TDRD3: variants seen among roughly 807,000 people sequenced by gnomAD.
The protein encoded by TDRD3 is tudor domain-containing protein 3.
A neutral mutation model predicts 86.7 loss-of-function variants in TDRD3; 45 were observed. That is an observed-to-expected ratio of 0.52 (90% confidence interval 0.41 to 0.67). The LOEUF (loss-of-function observed/expected upper bound fraction) is 0.67. Among genes scored for constraint, TDRD3 ranks in the 30% least tolerant of loss-of-function variants. The pLI, the probability that TDRD3 is intolerant of heterozygous loss-of-function variation, is 0.00. For missense variants in TDRD3, 814 were observed against 889.0 expected (o/e 0.92, Z 1.07); for synonymous variants, 298 against 301.7 (o/e 0.99, Z 0.13).
At chr13:60,483,663 TCCTA>T in intron 5 of TDRD3, 108 bp from the exon 6 acceptor site, 1 of 920,008 alleles carries the variant, frequency 1.1e-6, no homozygotes, top group Non-Finnish European at 1.6e-6. Flanking sequence ...CCTTTTTTTT[TCCTA>T]TTTCTTATAA....
chr13:60,505,523 CAT>C (rs897055841), intron 8 of TDRD3, among the ~76,000 whole-genome samples: 22 of 152,170 alleles, frequency 1.4e-4, no homozygotes, highest in African/African-American at 5.1e-4. Flanking sequence ...CTTCAGCAGA[CAT>C]AAACATTCCT....
intron 12 of TDRD3, among the ~76,000 whole-genome samples, chr13:60,551,285 A>G (rs1958047693): frequency 6.6e-6 from 1 of 152,196 alleles, no homozygotes; most frequent in Non-Finnish European, 1.5e-5. Flanking sequence ...AATACCTATA[A>G]AAACATGTAA....
At chr13:60,516,263 G>C (rs796509168) in intron 10 of TDRD3, among the ~76,000 whole-genome samples, 9 of 152,286 alleles carry the variant, frequency 5.9e-5, no homozygotes, top group African/African-American at 2.2e-4. Flanking sequence ...GGATGGACTT[G>C]TTATGTCATA....
At chr13:60,402,908 T>A (rs1219711672) in intron 1 of TDRD3, among the ~76,000 whole-genome samples, 3 of 152,174 alleles carry the variant, frequency 2.0e-5, no homozygotes, top group Non-Finnish European at 4.4e-5. Context: ...CATCCTTCTA[T>A]TTTGAAATAT....
chr13:60,540,722 G>A (rs994989077), intron 12 of TDRD3, among the ~76,000 whole-genome samples: 1 of 152,046 alleles, frequency 6.6e-6, no homozygotes, highest in Non-Finnish European at 1.5e-5. Context: ...ACAAAGTATT[G>A]TTTGAATTCT....
Position 60,505,630 on chromosome 13 carries a change from T to G in TDRD3, c.859-4133T>G, listed in dbSNP as rs146905366. 4.5e-4 allele frequency among the ~76,000 whole-genome samples: 69 copies of G among 152,046 alleles called. No individual in the cohort carries two copies. In the East Asian group the frequency reaches 0.01, roughly 23 times the overall value. On this transcript the variant is annotated intron_variant, in intron 8 of 13. Coordinates refer to ENST00000377881, the MANE Select transcript of TDRD3 (RefSeq NM_001146070.2). ...ACCCAATGCAAGGAAGCTAAGAAAC[T>G]TGAAAAAAGGTTAGAGGAATTGCTA...
chr13:60,568,445 A>G (rs1595134057), intron 13 of TDRD3, among the ~76,000 whole-genome samples: 1 of 152,212 alleles, frequency 6.6e-6, no homozygotes, highest in South Asian at 2.1e-4. Flanking sequence ...TTTAGTGCCC[A>G]TGTCTGCTTT....
At position 60,547,742 on chromosome 13, in the gene TDRD3, T is replaced by C. The variant is rs917184696; in HGVS notation, c.2118+12509T>C. On this transcript the variant is annotated intron_variant, in intron 12 of 13. Coordinates refer to ENST00000377881, the MANE Select transcript of TDRD3 (RefSeq NM_001146070.2). ...CTCTTCATATTGAAAATATTATTTC[T>C]ATCCTCTGTCTGATAAACAGTTAAG... Among the ~76,000 whole-genome samples, 14 of 152,348 alleles carry C rather than the reference T, an allele frequency of 9.2e-5. No homozygotes were observed. In the East Asian group the frequency reaches 1.9e-3, roughly 21 times the overall value.
intron 1 of TDRD3, among the ~76,000 whole-genome samples, chr13:60,409,022 G>A (rs565446461): frequency 6.6e-6 from 1 of 152,334 alleles, no homozygotes; most frequent in East Asian, 1.9e-4. Context: ...GGGACTTGGT[G>A]CCCTGTGTCC....
chr13:60,568,724 A>C (rs1004856740), intron 13 of TDRD3, among the ~76,000 whole-genome samples: 1 of 152,232 alleles, frequency 6.6e-6, no homozygotes, highest in African/African-American at 2.4e-5. Context: ...ACATAGTTGA[A>C]TAAAATAGAA....
chr13:60,477,903 A>G (rs1188331141), intron 5 of TDRD3, among the ~76,000 whole-genome samples: 1 of 152,122 alleles, frequency 6.6e-6, no homozygotes, highest in Non-Finnish European at 1.5e-5. Context: ...AGTAGGGAGA[A>G]TTTCCTCCTT....
At chr13:60,521,617 C>T (rs568520694) in intron 10 of TDRD3, among the ~76,000 whole-genome samples, 13 of 152,120 alleles carry the variant, frequency 8.5e-5, no homozygotes, top group East Asian at 3.9e-4. Context: ...GTGTATGGGC[C>T]GGGTGCGGTG....
chr13:60,473,215 T>G (rs900270256), intron 5 of TDRD3, among the ~76,000 whole-genome samples: 5 of 152,194 alleles, frequency 3.3e-5, no homozygotes, highest in Non-Finnish European at 7.3e-5. Flanking sequence ...ACTTCATCTT[T>G]CATCAGGATC....
intron 6 of TDRD3, 51 bp downstream of exon 6, chr13:60,483,897 T>A: frequency 1.3e-6 from 2 of 1,549,760 alleles, no homozygotes; most frequent in Non-Finnish European, 1.8e-6. Context: ...AAAGTGTTTT[T>A]CATTAGCATT....
At chr13:60,469,318 A>T (rs1454436760) in intron 5 of TDRD3, among the ~76,000 whole-genome samples, 3 of 151,956 alleles carry the variant, frequency 2.0e-5, no homozygotes, top group Non-Finnish European at 4.4e-5. Context: ...TGTGGTAAAA[A>T]GTTCTCAACT....
At chr13:60,474,287 C>T (rs545073922) in intron 5 of TDRD3, among the ~76,000 whole-genome samples, 37 of 152,344 alleles carry the variant, frequency 2.4e-4, no homozygotes, top group South Asian at 6.2e-4. Flanking sequence ...ACTCCTTACC[C>T]TGCCCCCTTG....
intron 13 of TDRD3, among the ~76,000 whole-genome samples, chr13:60,567,894 T>A (rs1422933033): frequency 6.7e-6 from 1 of 148,854 alleles, no homozygotes; most frequent in Non-Finnish European, 1.5e-5. Context: ...CAGCTGATTT[T>A]TTTTTTTTTT....
chr13:60,501,187 C>T (rs987493939), intron 8 of TDRD3, among the ~76,000 whole-genome samples: 1 of 152,192 alleles, frequency 6.6e-6, no homozygotes, highest in African/African-American at 2.4e-5. Context: ...TATCATTCCC[C>T]CCGCTGGAGT....
At chr13:60,570,055 A>G (rs962214996) in intron 13 of TDRD3, among the ~76,000 whole-genome samples, 1 of 152,228 alleles carries the variant, frequency 6.6e-6, no homozygotes, top group African/African-American at 2.4e-5. Context: ...CAAAGCAAAA[A>G]TGAACAAATG....
Sources: gnomAD v4.1 joint callset for allele counts (sites outside exome capture counted in the v4.1 genomes callset) on GRCh38, gnomAD v4.1.1 for gene constraint, MANE v1.5 for transcripts, NCBI Gene and HGNC (gene_info 2026-07-23, HGNC 2026-07-21) for gene names.